The following SLC35F1 variants were observed in gnomAD, a reference collection of about 807,000 sequenced individuals.
The protein encoded by SLC35F1 is chromosome 6 open reading frame 169.
SLC35F1 carries 14 observed loss-of-function variants against 48.7 expected under a neutral mutation model. The ratio of observed to expected loss-of-function variants is 0.29; its 90% CI spans 0.19 to 0.45. The LOEUF is 0.45. Ranked by LOEUF, SLC35F1 falls within the 20% of genes least tolerant of loss-of-function variation. The probability of loss-of-function intolerance (pLI) is 1.00; values close to 1 mark genes in which losing one functional copy is unlikely to be tolerated. For synonymous variants in SLC35F1, 190 were observed against 202.2 expected, an observed-to-expected ratio of 0.94 and a Z score of 0.51; for missense variants, 404 against 500.0, an observed-to-expected ratio of 0.81 and a Z score of 1.83.
intron 1 of SLC35F1, among the ~76,000 whole-genome samples, chr6:117,979,392 CTG>C (rs1320653856): frequency 1.4e-4 from 21 of 152,322 alleles, no homozygotes; most frequent in African/African-American, 4.8e-4. Context: ...TAAGATTTAA[CTG>C]TGGTGTAAAG....
chr6:117,908,372 C>T (rs964303658), intron 1 of SLC35F1, among the ~76,000 whole-genome samples: 3 of 152,218 alleles, frequency 2.0e-5, no homozygotes, highest in Admixed American at 1.3e-4. Context: ...GCTTCGACCC[C>T]TTGCCGGGGG....
At chr6:118,172,773 T>A (rs1774425519) in intron 2 of SLC35F1, among the ~76,000 whole-genome samples, 1 of 152,168 alleles carries the variant, frequency 6.6e-6, no homozygotes, top group Non-Finnish European at 1.5e-5. Context: ...ATCTATTTGA[T>A]GATATTTGAG....
intron 6 of SLC35F1, among the ~76,000 whole-genome samples, chr6:118,282,326 A>C (rs1346049486): frequency 6.6e-6 from 1 of 152,236 alleles, no homozygotes; most frequent in East Asian, 1.9e-4. Context: ...TTTGCTTGGG[A>C]AACAGTATAT....
chr6:118,222,898 T>G (rs1263123727), intron 2 of SLC35F1, among the ~76,000 whole-genome samples: 1 of 152,186 alleles, frequency 6.6e-6, no homozygotes, highest in Non-Finnish European at 1.5e-5. Flanking sequence ...CAGGCTTAAC[T>G]TGTATATTAC....
chr6:118,074,307 T>C (rs1453774569), intron 1 of SLC35F1, among the ~76,000 whole-genome samples: 1 of 152,136 alleles, frequency 6.6e-6, no homozygotes, highest in Admixed American at 6.5e-5. Context: ...GTAATTCAGG[T>C]TGTGCAAAAC....
At chr6:118,090,866 A>G (rs1216419524) in intron 1 of SLC35F1, among the ~76,000 whole-genome samples, 1 of 152,194 alleles carries the variant, frequency 6.6e-6, no homozygotes, top group Non-Finnish European at 1.5e-5. Flanking sequence ...AGGAAGACTC[A>G]CCACGATGTT....
At chr6:118,002,562 G>A (rs555436250) in intron 1 of SLC35F1, among the ~76,000 whole-genome samples, 5 of 151,406 alleles carry the variant, frequency 3.3e-5, no homozygotes, top group South Asian at 4.2e-4. Flanking sequence ...TAACTAACCT[G>A]CACATTGTGC....
Position 118,157,797 on chromosome 6 carries a change from T to C in SLC35F1, c.349+3177T>C, listed in dbSNP as rs577764616. ...GCTGATTAGATGGTGCCCACCCAGA[T>C]TGAGGGTGGGTCTGAGTCTCCCAGT... On this transcript the variant is annotated intron_variant, in intron 2 of 7. Transcript: ENST00000360388. 2.2e-4 allele frequency among the ~76,000 whole-genome samples: 34 copies of C among 152,298 alleles called. No individual in the cohort carries two copies. The South Asian group carries it at 5.8e-3, about 26-fold the overall frequency.
chr6:118,121,988 T>TC lies in SLC35F1; in HGVS notation c.174-32451dup, dbSNP rs199810083. 5.3e-4 allele frequency among the ~76,000 whole-genome samples: 81 copies of TC among 152,072 alleles called. 1 individual carries two copies. In the East Asian group the frequency reaches 0.016, roughly 29 times the overall value. On this transcript the variant is annotated intron_variant, in intron 1 of 7. Coordinates refer to ENST00000360388, the MANE Select transcript of SLC35F1 (RefSeq NM_001029858.4). ...CATGAAATCCTATGAGGGAGAGATTTCCCCCCATTTCAAAGTTATATATTT... is the reference window on the plus strand; with the variant it reads ...CATGAAATCCTATGAGGGAGAGATTTCCCCCCCATTTCAAAGTTATATATTT...
chr6:117,961,631 C>G (rs1469357258), intron 1 of SLC35F1, among the ~76,000 whole-genome samples: 2 of 152,204 alleles, frequency 1.3e-5, no homozygotes, highest in Non-Finnish European at 2.9e-5. Context: ...AAGGACCTGA[C>G]TGCCATTTTT....
intron 1 of SLC35F1, among the ~76,000 whole-genome samples, chr6:117,953,809 AG>A (rs2114829470): frequency 6.6e-6 from 1 of 152,304 alleles, no homozygotes; most frequent in East Asian, 1.9e-4. Flanking sequence ...GTGTCTAAGT[AG>A]GTGGGTAACC....
At chr6:118,022,986 CTGATCTCA>C (rs1260727583) in intron 1 of SLC35F1, among the ~76,000 whole-genome samples, 1 of 152,086 alleles carries the variant, frequency 6.6e-6, no homozygotes, top group Non-Finnish European at 1.5e-5. Context: ...TCTCGATCTC[CTGATCTCA>C]TGATCCGCCC....
chr6:118,202,355 G>A (rs182847878), intron 2 of SLC35F1, among the ~76,000 whole-genome samples: 41 of 152,218 alleles, frequency 2.7e-4, no homozygotes, highest in Non-Finnish European at 5.1e-4. Flanking sequence ...AAATTAGCTA[G>A]GCATGGTGGC....
At chr6:117,955,055 A>C (rs1407367077) in intron 1 of SLC35F1, among the ~76,000 whole-genome samples, 1 of 152,222 alleles carries the variant, frequency 6.6e-6, no homozygotes, top group Middle Eastern at 3.2e-3. Context: ...CTGGGAGCTA[A>C]TACTTCATTT....
chr6:118,007,686 TG>T (rs1777191478), intron 1 of SLC35F1, among the ~76,000 whole-genome samples: 1 of 152,170 alleles, frequency 6.6e-6, no homozygotes, highest in South Asian at 2.1e-4. Flanking sequence ...ACCACAAATT[TG>T]AAACAAACAC....
At chr6:118,034,798 T>G (rs1772103933) in intron 1 of SLC35F1, among the ~76,000 whole-genome samples, 1 of 152,160 alleles carries the variant, frequency 6.6e-6, no homozygotes, top group Non-Finnish European at 1.5e-5. Context: ...ATTTCAGGGA[T>G]TCATAGTAAT....
chr6:118,091,626 A>G (rs890935944), intron 1 of SLC35F1, among the ~76,000 whole-genome samples: 3 of 152,184 alleles, frequency 2.0e-5, no homozygotes, highest in Non-Finnish European at 4.4e-5. Context: ...GAGCTATTAC[A>G]GTAAGTTGGT....
intron 1 of SLC35F1, among the ~76,000 whole-genome samples, chr6:118,098,546 C>T (rs1027381258): frequency 6.6e-6 from 1 of 152,154 alleles, no homozygotes; most frequent in African/African-American, 2.4e-5. Flanking sequence ...GTTTCCCTTT[C>T]TTTGTACCTC....
chr6:118,035,277 C>T (rs529804056), intron 1 of SLC35F1, among the ~76,000 whole-genome samples: 2 of 152,076 alleles, frequency 1.3e-5, no homozygotes, highest in East Asian at 1.9e-4. Context: ...AATCAATGTA[C>T]TCGGGGGTTT....
Sources: allele counts gnomAD v4.1 joint callset (sites outside exome capture counted in the v4.1 genomes callset), GRCh38; gene constraint gnomAD v4.1.1; transcripts MANE v1.5; gene names NCBI Gene and HGNC (gene_info 2026-07-23, HGNC 2026-07-21).